The following MAPK9 variants were observed in gnomAD, a reference collection of about 807,000 sequenced individuals.
MAPK9 encodes the protein mitogen-activated protein kinase 9.
Under a neutral mutation model 57.1 loss-of-function variants are expected in MAPK9, and 30 were observed. The ratio of observed to expected loss-of-function variants is 0.53; its 90% CI spans 0.39 to 0.71. The LOEUF (loss-of-function observed/expected upper bound fraction) is 0.71. Ranked by LOEUF, MAPK9 falls within the 30% of genes least tolerant of loss-of-function variation. The pLI is 0.00. For missense variants in MAPK9, 362 were observed against 521.0 expected (o/e 0.69, Z 2.97); for synonymous variants, 155 against 177.0 (o/e 0.88, Z 0.99).
intron 2 of MAPK9, among the ~76,000 whole-genome samples, chr5:180,274,554 T>C (rs991387060): frequency 1.9e-4 from 29 of 152,108 alleles, no homozygotes; most frequent in African/African-American, 4.3e-4. Flanking sequence ...GATCAAGAGA[T>C]TGGGAACCAC....
intron 2 of MAPK9, among the ~76,000 whole-genome samples, chr5:180,272,653 T>C (rs1021400327): frequency 6.6e-6 from 1 of 152,224 alleles, no homozygotes; most frequent in Non-Finnish European, 1.5e-5. Flanking sequence ...GGCTCAATAT[T>C]ATGGGACTCA....
At chr5:180,288,899 T>C (rs1012095907) in intron 1 of MAPK9, among the ~76,000 whole-genome samples, 1 of 152,252 alleles carries the variant, frequency 6.6e-6, no homozygotes, top group African/African-American at 2.4e-5. Context: ...ACTATTCTGT[T>C]TATTTTGTAT....
intron 3 of MAPK9, 113 bp from the exon 4 acceptor site, chr5:180,264,952 CTTCTTA>C (rs1760373173): frequency 4.7e-6 from 2 of 423,956 alleles, no homozygotes; most frequent in African/African-American, 1.2e-4. Flanking sequence ...GAATTCAGTA[CTTCTTA>C]TTATTACTGC....
At chr5:180,249,206 G>A in intron 5 of MAPK9, 68 bp from the exon 6 acceptor site, 1 of 1,440,624 alleles carries the variant, frequency 6.9e-7, no homozygotes. Flanking sequence ...TCACATCCGT[G>A]AGGGTCGTGA....
intron 2 of MAPK9, among the ~76,000 whole-genome samples, chr5:180,278,172 G>A (rs1022963497): frequency 6.6e-5 from 10 of 152,336 alleles, no homozygotes; most frequent in East Asian, 1.9e-4. Context: ...AAGTCTCTCC[G>A]TGGTACAGGC....
intron 3 of MAPK9, among the ~76,000 whole-genome samples, chr5:180,267,561 C>CAAAAAAA (rs34776289): frequency 3.0e-4 from 27 of 89,808 alleles, no homozygotes; most frequent in Middle Eastern, 6.7e-3. Flanking sequence ...GACTCCGTCT[C>CAAAAAAA]AAAAAAAAAA....
chr5:180,247,912 C>G lies in MAPK9; in HGVS notation c.617-402G>C. 1.2e-6 allele frequency: 2 copies of G among 1,614,072 alleles called. No homozygotes were observed. The highest frequency in any genetic ancestry group is 1.1e-5 in the South Asian group (1 of 91,086). On this transcript the variant is annotated intron_variant, in intron 6 of 11. Coordinates refer to ENST00000452135, the MANE Select transcript of MAPK9 (RefSeq NM_002752.5). The surrounding 1 kb of genome is among the most constrained non-coding windows in gnomAD (Gnocchi z 4.5). ...ACCATTTCTGCCATGATGCACCCGA[C>G]AGACCAGATGTCCACTACCAAACAC...
intron 5 of MAPK9, among the ~76,000 whole-genome samples, chr5:180,250,223 G>A (rs529452856): frequency 8.5e-5 from 13 of 152,298 alleles, no homozygotes; most frequent in African/African-American, 2.9e-4. Flanking sequence ...ATGAAGACAT[G>A]CATCATATTC....
At position 180,236,299 on chromosome 5, in the gene MAPK9, A is replaced by T; in HGVS notation, c.*85T>A. 1 of 1,424,010 alleles carries T rather than the reference A, an allele frequency of 7.0e-7. No individual in the cohort carries two copies. The allele number at this position is 1,424,010 out of a possible 1,614,324, so 88.2% of individuals were successfully genotyped here. On this transcript the variant is annotated 3_prime_UTR_variant, in exon 12 of 12. Transcript: ENST00000452135. ...TACATGCAGAACATGGAGTTTTTCT[A>T]TTTGGTTCCATCAACTCCCAAGCAT...
intron 10 of MAPK9, among the ~76,000 whole-genome samples, chr5:180,238,608 C>CTTTTTTTTTTTTTTTT (rs746336177): frequency 5.9e-5 from 5 of 85,168 alleles, no homozygotes; most frequent in Non-Finnish European, 1.2e-4. Context: ...TCTTCTTCTT[C>CTTTTTTTTTTTTTTTT]TTTTTTTTTT....
chr5:180,257,494 G>A (rs573381508), intron 5 of MAPK9, among the ~76,000 whole-genome samples: 8 of 152,326 alleles, frequency 5.3e-5, no homozygotes, highest in African/African-American at 1.9e-4. Flanking sequence ...ATAATCCAGG[G>A]AATGCTAAGA....
intron 3 of MAPK9, among the ~76,000 whole-genome samples, chr5:180,267,427 TGGC>T (rs1401879296): frequency 2.0e-5 from 3 of 151,536 alleles, no homozygotes; most frequent in African/African-American, 4.8e-5. Flanking sequence ...CTGGGTGTGG[TGGC>T]GGGCACCTGT....
chr5:180,291,211 G>A (rs1272888837), intron 1 of MAPK9, among the ~76,000 whole-genome samples: 2 of 152,066 alleles, frequency 1.3e-5, no homozygotes, highest in Non-Finnish European at 2.9e-5. Flanking sequence ...TTCTGGGGGA[G>A]GGGCGCGGTG....
chr5:180,243,887 G>A (rs1037249329), intron 7 of MAPK9, among the ~76,000 whole-genome samples: 85 of 152,138 alleles, frequency 5.6e-4, no homozygotes, highest in African/African-American at 1.9e-3. Flanking sequence ...TCGCTCTGTC[G>A]CCCAGGCTGG....
intron 1 of MAPK9, among the ~76,000 whole-genome samples, chr5:180,282,981 G>C (rs1762443688): frequency 6.6e-6 from 1 of 152,262 alleles, no homozygotes; most frequent in East Asian, 1.9e-4. Flanking sequence ...GGCGAGTGAA[G>C]CTGGAGAGAG....
Position 180,249,057 on chromosome 5 carries a change from T to G in MAPK9, c.532A>C (p.Thr178Pro). Residue 178 changes from threonine (T) to proline (P), a missense_variant, in exon 6 of 12, where the codon ACT (threonine) becomes CCT (proline). Around this residue, in one of 3 missense-constraint regions of MAPK9, gnomAD observed 127 missense variants for 231.7 expected, o/e 0.55. Transcript: ENST00000452135. ...ACGTAAGGGGTCATCATGAAGTTAG[T>G]GCACGCTGTCCGGGCCAGGCCAAAG... ...LDFGLARTAC[T>P]NFMMTPYVVT... 6.2e-7 allele frequency: 1 copy of G among 1,614,146 alleles called. No homozygotes were observed. Among genetic ancestry groups the G allele is most frequent in the Non-Finnish European group, 8.5e-7 (1 of 1,180,004 alleles).
intron 3 of MAPK9, among the ~76,000 whole-genome samples, chr5:180,267,183 T>C (rs1301639825): frequency 2.0e-5 from 3 of 152,220 alleles, no homozygotes; most frequent in African/African-American, 4.8e-5. Flanking sequence ...GGTGGCGGTA[T>C]TCAGGAGTTT....
At chr5:180,277,078 G>A (rs1295229160) in intron 2 of MAPK9, among the ~76,000 whole-genome samples, 2 of 152,108 alleles carry the variant, frequency 1.3e-5, no homozygotes, top group African/African-American at 4.8e-5. Flanking sequence ...CCTTCATAAA[G>A]CTCTAATTTA....
At position 180,247,418 on chromosome 5, in the gene MAPK9, CAAG is replaced by C; in HGVS notation, c.688+18_688+20del. On this transcript the variant is annotated intron_variant, in intron 7 of 11. Coordinates refer to ENST00000452135, the MANE Select transcript of MAPK9 (RefSeq NM_002752.5). The surrounding 1 kb of genome is among the most constrained non-coding windows in gnomAD (Gnocchi z 4.5). ...AGGCATTAAGAAAGCATGGCGGGGC[CAAG>C]GTCGCGGGGAAGGATACGGTCAGTG... 1 of 1,614,142 alleles carries C rather than the reference CAAG, an allele frequency of 6.2e-7. No homozygotes were observed. The highest frequency in any genetic ancestry group is 1.1e-5 in the South Asian group (1 of 91,072).
Sources: gnomAD v4.1 joint callset for allele counts (sites outside exome capture counted in the v4.1 genomes callset) on GRCh38, gnomAD v4.1.1 for gene constraint, gnomAD v4.1.1 regional missense constraint, Gnocchi (gnomAD v3.1) non-coding constraint, MANE v1.5 for transcripts, NCBI Gene and HGNC (gene_info 2026-07-23, HGNC 2026-07-21) for gene names.